Variants in ARID4B observed in about 807,000 individuals in gnomAD.
ARID4B encodes AT-rich interactive domain-containing protein 4B.
In ARID4B, 26 loss-of-function variants were observed where a neutral mutation model predicts 147.5. The ratio of observed to expected loss-of-function variants is 0.18; its 90% CI spans 0.13 to 0.24. ARID4B has a LOEUF of 0.24. Ranked by LOEUF, ARID4B falls within the 10% of genes least tolerant of loss-of-function variation. The pLI, the probability that ARID4B is intolerant of heterozygous loss-of-function variation, is 1.00. For missense variants in ARID4B, 1,179 were observed against 1,511.5 expected (o/e 0.78, Z 3.65); for synonymous variants, 512 against 507.9 (o/e 1.01, Z -0.11).
chr1:235,257,084 A>T, intron 4 of ARID4B, 76 bp downstream of exon 4: 1 of 977,154 alleles, frequency 1.0e-6, no homozygotes, highest in South Asian at 1.4e-5. Flanking sequence ...ATAACAAAAG[A>T]GCCAATGAAT....
chr1:235,203,397 T>C (rs926566956), intron 17 of ARID4B, among the ~76,000 whole-genome samples: 1 of 152,194 alleles, frequency 6.6e-6, no homozygotes, highest in Non-Finnish European at 1.5e-5. Flanking sequence ...ATAGTTAATA[T>C]ATACCTAAAA....
Position 235,182,277 on chromosome 1 carries a change from C to T in ARID4B, c.2642G>A (p.Gly881Asp). 6.2e-7 allele frequency: 1 copy of T among 1,613,724 alleles called. No individual in the cohort carries two copies. Among genetic ancestry groups the T allele is most frequent in the Admixed American group, 1.7e-5 (1 of 59,934 alleles). The change falls in exon 20 of 24, where the codon GGT becomes GAT. Residue 881 changes from glycine (G) to aspartate (D), a missense_variant. Around this residue, in one of 10 missense-constraint regions of ARID4B, gnomAD observed 321 missense variants for 342.4 expected, o/e 0.94. Transcript: ENST00000264183. ...TAGAGATTTTCTTTTTTCCTCCAAA[C>T]CATTGTATTTCTTAGTTGGTGTCAT... ...AKMTPTKKYN[G>D]LEEKRKSLRT...
At position 235,196,383 on chromosome 1, in the gene ARID4B, G is replaced by A. The variant is rs544442108; in HGVS notation, c.1842-268C>T. ...ATTCCTCAACTAGCACTGCTTACTC[G>A]GCTACAACAAAGAGAAACTGAATCT... On this transcript the variant is annotated intron_variant, in intron 17 of 23. Transcript: ENST00000264183. 1.3e-3 allele frequency among the ~76,000 whole-genome samples: 195 copies of A among 152,218 alleles called. 1 individual carries two copies. The highest frequency in any genetic ancestry group is 4.6e-3 in the African/African-American group (190 of 41,512).
intron 11 of ARID4B, among the ~76,000 whole-genome samples, chr1:235,226,399 C>T (rs547728694): frequency 1.6e-4 from 25 of 152,236 alleles, no homozygotes; most frequent in East Asian, 5.8e-4. Flanking sequence ...CTTGCTCTGT[C>T]GCCCAGGCTG....
intron 19 of ARID4B, among the ~76,000 whole-genome samples, chr1:235,183,805 T>C (rs1051142953): frequency 2.0e-5 from 3 of 151,968 alleles, no homozygotes; most frequent in Admixed American, 2.0e-4. Context: ...TCTCTCTCTC[T>C]ATTTTTTTCT....
intron 8 of ARID4B, among the ~76,000 whole-genome samples, chr1:235,236,040 C>A (rs755129208): frequency 6.6e-6 from 1 of 151,832 alleles, no homozygotes; most frequent in Non-Finnish European, 1.5e-5. Context: ...GATCCTCCCA[C>A]CTCAGTCTCC....
chr1:235,285,279 T>C (rs1671902429), intron 2 of ARID4B, among the ~76,000 whole-genome samples: 1 of 152,210 alleles, frequency 6.6e-6, no homozygotes. Flanking sequence ...CATGACCAAG[T>C]GCATTTATTG....
intron 19 of ARID4B, among the ~76,000 whole-genome samples, 161 bp from the exon 20 acceptor site, chr1:235,182,954 C>T (rs1336691397): frequency 1.3e-5 from 2 of 152,082 alleles, no homozygotes; most frequent in Non-Finnish European, 2.9e-5. Context: ...TTCAAAGAGG[C>T]TAAGAGGCTC....
intron 2 of ARID4B, among the ~76,000 whole-genome samples, chr1:235,321,023 C>T (rs1413996686): frequency 6.6e-6 from 1 of 152,136 alleles, no homozygotes; most frequent in African/African-American, 2.4e-5. Flanking sequence ...AGAAAGTAAA[C>T]TCCACGAGGG....
intron 2 of ARID4B, among the ~76,000 whole-genome samples, chr1:235,262,961 AT>A (rs1470747054): frequency 6.6e-6 from 1 of 152,134 alleles, no homozygotes; most frequent in Admixed American, 6.5e-5. Context: ...CATCAATTAA[AT>A]TTTTTTTAAA....
intron 3 of ARID4B, among the ~76,000 whole-genome samples, chr1:235,259,395 T>C (rs968126788): frequency 7.2e-5 from 11 of 152,240 alleles, no homozygotes; most frequent in African/African-American, 2.7e-4. Context: ...ACAAACTTGC[T>C]ATCTGCATGC....
chr1:235,269,493 G>C (rs752217185), intron 2 of ARID4B, among the ~76,000 whole-genome samples: 1 of 152,208 alleles, frequency 6.6e-6, no homozygotes, highest in Non-Finnish European at 1.5e-5. Flanking sequence ...CGAAGTTGAA[G>C]TTATTCTGTT....
chr1:235,319,316 A>G (rs116773659), intron 2 of ARID4B, among the ~76,000 whole-genome samples: 19,983 of 152,138 alleles, frequency 0.13, 1,527 homozygotes, highest in African/African-American at 0.2. Context: ...CAGGAGTTCA[A>G]GACCAGCCTG....
At chr1:235,269,774 G>C (rs1300374903) in intron 2 of ARID4B, among the ~76,000 whole-genome samples, 2 of 152,064 alleles carry the variant, frequency 1.3e-5, no homozygotes, top group Non-Finnish European at 2.9e-5. Context: ...GGCCAGTCTG[G>C]TGAAGGAGAT....
chr1:235,315,430 C>CA (rs1209839210), intron 2 of ARID4B, among the ~76,000 whole-genome samples: 2 of 151,922 alleles, frequency 1.3e-5, no homozygotes, highest in African/African-American at 4.8e-5. Context: ...GCTATGTCTC[C>CA]AAAAAAATAA....
chr1:235,315,270 A>C (rs1298479044), intron 2 of ARID4B, among the ~76,000 whole-genome samples: 1 of 152,164 alleles, frequency 6.6e-6, no homozygotes, highest in Non-Finnish European at 1.5e-5. Flanking sequence ...CCAAAAATAC[A>C]AAAAAATTTA....
chr1:235,210,214 G>A (rs895067310), intron 17 of ARID4B, among the ~76,000 whole-genome samples: 2 of 151,966 alleles, frequency 1.3e-5, no homozygotes, highest in Non-Finnish European at 1.5e-5. Context: ...GACAGAACAA[G>A]GTCCTGTCTG....
intron 2 of ARID4B, among the ~76,000 whole-genome samples, chr1:235,315,432 A>G (rs1055637922): frequency 2.7e-4 from 41 of 152,306 alleles, no homozygotes; most frequent in African/African-American, 9.6e-4. Context: ...TATGTCTCCA[A>G]AAAAATAAAT....
At chr1:235,325,325 A>G (rs755525728) in intron 2 of ARID4B, among the ~76,000 whole-genome samples, 3 of 152,046 alleles carry the variant, frequency 2.0e-5, no homozygotes, top group Non-Finnish European at 4.4e-5. Flanking sequence ...TTTTAAGGCT[A>G]AAGTTTCCAA....
Sources: allele counts gnomAD v4.1 joint callset (sites outside exome capture counted in the v4.1 genomes callset), GRCh38; gene constraint gnomAD v4.1.1; regional missense constraint gnomAD v4.1.1; transcripts MANE v1.5; gene names NCBI Gene and HGNC (gene_info 2026-07-23, HGNC 2026-07-21).